Variants in NAA25 observed in about 807,000 individuals in gnomAD.
NAA25 encodes N-alpha-acetyltransferase 25, NatB auxiliary subunit.
A neutral mutation model predicts 132.5 loss-of-function variants in NAA25; 30 were observed. That is an observed-to-expected ratio of 0.23 (90% CI 0.17 to 0.31). The LOEUF is 0.31. Among genes scored for constraint, NAA25 ranks in the 10% least tolerant of loss-of-function variants. NAA25 has a pLI of 1.00. For missense variants in NAA25, 771 were observed against 1,150.4 expected (o/e 0.67, Z 4.77); for synonymous variants, 359 against 401.9 (o/e 0.89, Z 1.28).
chr12:112,063,105 C>G (rs2078662003), intron 11 of NAA25, among the ~76,000 whole-genome samples: 1 of 151,484 alleles, frequency 6.6e-6, no homozygotes, highest in Admixed American at 6.6e-5. Context: ...TGAGAGATGA[C>G]AGCAAATAAA....
At chr12:112,089,803 G>A (rs556169452) in intron 3 of NAA25, among the ~76,000 whole-genome samples, 4 of 151,950 alleles carry the variant, frequency 2.6e-5, no homozygotes, top group East Asian at 3.9e-4. Context: ...AGACCAGCCC[G>A]GCCAACATGG....
intron 21 of NAA25, chr12:112,040,122 A>T (rs2078281998): frequency 5.8e-6 from 1 of 171,288 alleles, no homozygotes; most frequent in Non-Finnish European, 1.2e-5. Context: ...AATGCATAAT[A>T]TCTTAGCAAT....
intron 4 of NAA25, among the ~76,000 whole-genome samples, chr12:112,083,444 G>A (rs1028370551): frequency 1.3e-5 from 2 of 152,042 alleles, no homozygotes; most frequent in Non-Finnish European, 2.9e-5. Flanking sequence ...GGTGGAGGTT[G>A]CAGTGGGCCG....
At chr12:112,067,539 T>C (rs187530326) in intron 11 of NAA25, among the ~76,000 whole-genome samples, 7 of 151,922 alleles carry the variant, frequency 4.6e-5, no homozygotes, top group Admixed American at 3.9e-4. Context: ...CAAAACCCTG[T>C]CTCTAACTAA....
At chr12:112,069,103 C>T (rs369005234) in intron 10 of NAA25, 111 bp from the exon 11 acceptor site, 48 of 650,096 alleles carry the variant, frequency 7.4e-5, no homozygotes, top group South Asian at 5.7e-4. Context: ...ATTTTGCTTG[C>T]AACTGGTCCC....
chr12:112,091,504 G>A (rs1246798447), intron 2 of NAA25, among the ~76,000 whole-genome samples: 2 of 152,122 alleles, frequency 1.3e-5, no homozygotes, highest in African/African-American at 2.4e-5. Flanking sequence ...GCCTAGGTAG[G>A]CAACGTGGTG....
intron 1 of NAA25, among the ~76,000 whole-genome samples, chr12:112,094,276 C>T (rs969568878): frequency 4.7e-5 from 7 of 149,200 alleles, no homozygotes; most frequent in African/African-American, 9.9e-5. Flanking sequence ...TACAAACTTA[C>T]GTCCCTATAG....
intron 15 of NAA25, among the ~76,000 whole-genome samples, chr12:112,050,410 TG>T (rs1224627641): frequency 6.6e-6 from 1 of 152,206 alleles, no homozygotes; most frequent in Non-Finnish European, 1.5e-5. Context: ...AATGGATTCC[TG>T]AAATGAACCC....
chr12:112,074,408 C>G (rs2136893724), intron 9 of NAA25, among the ~76,000 whole-genome samples: 1 of 146,078 alleles, frequency 6.8e-6, no homozygotes, highest in Admixed American at 6.9e-5. Flanking sequence ...GGAAATAAAT[C>G]TCACGGAAAG....
chr12:112,030,120 C>G (rs1053721132), intron 23 of NAA25, among the ~76,000 whole-genome samples: 1 of 142,180 alleles, frequency 7.0e-6, no homozygotes, highest in Non-Finnish European at 1.5e-5. Context: ...AGCTGAGGCA[C>G]GAGAATTGCT....
chr12:112,086,073 T>TATATATATATATATATATACACACAC (rs759148501), intron 4 of NAA25, among the ~76,000 whole-genome samples: 13 of 53,986 alleles, frequency 2.4e-4, no homozygotes, highest in African/African-American at 1.3e-3. Flanking sequence ...TATATATATA[T>TATATATATATATATATATACACACAC]ACACACACAC....
At chr12:112,067,146 C>T (rs1216384231) in intron 11 of NAA25, among the ~76,000 whole-genome samples, 1 of 152,002 alleles carries the variant, frequency 6.6e-6, no homozygotes, top group African/African-American at 2.4e-5. Flanking sequence ...TTGCAGAGAG[C>T]AGAGATCGCG....
intron 3 of NAA25, among the ~76,000 whole-genome samples, chr12:112,088,782 G>A (rs554893317): frequency 1.6e-4 from 25 of 152,018 alleles, no homozygotes; most frequent in Non-Finnish European, 2.6e-4. Flanking sequence ...CACCACACCC[G>A]GCTAATTTTG....
At chr12:112,061,098 G>C in intron 12 of NAA25, 83 bp downstream of exon 12, 1 of 1,042,746 alleles carries the variant, frequency 9.6e-7, no homozygotes, top group Non-Finnish European at 1.4e-6. Flanking sequence ...CATTAAAACA[G>C]GGTGCTACAG....
intron 6 of NAA25, 112 bp downstream of exon 6, chr12:112,078,521 AG>A: frequency 1.0e-6 from 1 of 990,876 alleles, no homozygotes; most frequent in Non-Finnish European, 1.5e-6. Flanking sequence ...AAAGGCCAAA[AG>A]TGAGGACCCA....
chr12:112,053,790 A>C, intron 14 of NAA25, 133 bp from the exon 15 acceptor site: 1 of 452,164 alleles, frequency 2.2e-6, no homozygotes, highest in Non-Finnish European at 4.0e-6. Flanking sequence ...ACATACTCCC[A>C]CAGAAATGAT....
chr12:112,045,508 A>C (rs1263188231), intron 17 of NAA25, among the ~76,000 whole-genome samples: 2 of 148,902 alleles, frequency 1.3e-5, no homozygotes, highest in Non-Finnish European at 3.0e-5. Flanking sequence ...AAAAAAAAAA[A>C]TAGGGGCTGG....
rs931844654 is a variant in NAA25, at chr12:112,073,506, G to A, written c.866+1169C>T. ...GGCTGGAGTGCAGTGGCACGATCTC[G>A]GCTCACTGCAAGCTCCGCCTCCCGG... is the stretch of plus-strand genomic sequence containing the variant. On this transcript the variant is annotated intron_variant, in intron 9 of 23. Transcript: ENST00000261745. 1.3e-4 allele frequency among the ~76,000 whole-genome samples: 20 copies of A among 151,978 alleles called. 1 individual carries two copies. Among genetic ancestry groups the A allele is most frequent in the East Asian group, 9.7e-4 (5 of 5,180 alleles).
At chr12:112,032,534 A>C (rs923918775) in intron 23 of NAA25, among the ~76,000 whole-genome samples, 1 of 152,142 alleles carries the variant, frequency 6.6e-6, no homozygotes, top group Non-Finnish European at 1.5e-5. Context: ...TCCCGGAGGG[A>C]AGCATTTTCT....
Sources: allele counts gnomAD v4.1 joint callset (sites outside exome capture counted in the v4.1 genomes callset), GRCh38; gene constraint gnomAD v4.1.1; transcripts MANE v1.5; gene names NCBI Gene and HGNC (gene_info 2026-07-23, HGNC 2026-07-21).